Variants in EIF2B4 observed in about 807,000 individuals in gnomAD.
EIF2B4 encodes the protein translation initiation factor eIF2B subunit delta.
In EIF2B4, 34 loss-of-function variants were observed where a neutral mutation model predicts 66.7. The ratio of observed to expected loss-of-function variants is 0.51; its 90% CI spans 0.39 to 0.68. The LOEUF is 0.68. Among genes scored for constraint, EIF2B4 ranks in the 30% least tolerant of loss-of-function variants. The pLI, the probability that EIF2B4 is intolerant of heterozygous loss-of-function variation, is 0.00. For synonymous variants in EIF2B4, 278 were observed against 253.6 expected (o/e 1.10, Z -0.92); for missense variants, 618 against 657.9 (o/e 0.94, Z 0.66).
In EIF2B4 at chr2:27,368,915, G is replaced by A; in HGVS notation, c.418+91C>T. ...AACAATTCAGAACTCTGGGTCCCAA[G>A]AATGAGAGGGGAGAGCTGTTTTACT... On this transcript the variant is annotated intron_variant, in intron 4 of 12. Transcript: ENST00000347454. 3 of 1,537,536 alleles carry A rather than the reference G, an allele frequency of 2.0e-6. No individual in the cohort carries two copies. The South Asian group carries it at 3.4e-5, about 17-fold the overall frequency.
In EIF2B4 at chr2:27,367,752, T is replaced by C; in HGVS notation, c.776A>G (p.Tyr259Cys). The C allele has an allele frequency of 3.1e-6, 5 of 1,613,908 alleles. No homozygotes were observed. The highest frequency in any genetic ancestry group is 3.4e-6 in the Non-Finnish European group (4 of 1,179,762). The change falls in exon 8 of 13, where the codon TAC (tyrosine) becomes TGC (cysteine). Residue 259 changes from tyrosine (Y) to cysteine (C), a missense_variant. Tyr to Cys is a radical substitution (Grantham distance 194). Coordinates refer to ENST00000347454, the MANE Select transcript of EIF2B4 (RefSeq NM_001034116.2). ...CTTATAGTGTTGTCCCTACCTCATG[T>C]AGGGTTTTAGTTTATTCACTAGATC... ...SRDLVNKLKPYMSFLTQCRPL... is the reference protein window; with the variant it reads ...SRDLVNKLKPCMSFLTQCRPL...
chr2:27,368,846 AT>A (rs1180546034), intron 4 of EIF2B4, 113 bp from the exon 5 acceptor site: 8 of 1,431,292 alleles, frequency 5.6e-6, no homozygotes, highest in Non-Finnish European at 5.9e-6. Flanking sequence ...AAACGGGAGA[AT>A]AGGGTAGAAA....
chr2:27,368,541 T>C, intron 5 of EIF2B4, 78 bp from the exon 6 acceptor site: 1 of 1,551,488 alleles, frequency 6.4e-7, no homozygotes, highest in Non-Finnish European at 8.9e-7. Context: ...AAGTGAACAG[T>C]AAGACTACTC....
Position 27,369,861 on chromosome 2 carries a change from G to A in EIF2B4, c.75+15C>T, listed in dbSNP as rs1419085453. The A allele has an allele frequency of 1.9e-6, 3 of 1,570,242 alleles. No homozygotes were observed. Among genetic ancestry groups the A allele is most frequent in the African/African-American group, 1.4e-5 (1 of 73,756 alleles). ...TAGCGCTTGGCAGGCGGCTTGGGAG[G>A]GAAGCCTCACTTACCCCAGGCCCAG... On this transcript the variant is annotated intron_variant, in intron 2 of 12. Transcript: ENST00000347454.
chr2:27,370,005 G>A, intron 1 of EIF2B4, 86 bp from the exon 2 acceptor site: 1 of 1,533,220 alleles, frequency 6.5e-7, no homozygotes, highest in Non-Finnish European at 8.8e-7. Flanking sequence ...CCGGCTGCTG[G>A]GTTGGCATGA....
At chr2:27,366,690 G>C in intron 11 of EIF2B4, 69 bp downstream of exon 11, 1 of 1,568,992 alleles carries the variant, frequency 6.4e-7, no homozygotes, top group Non-Finnish European at 8.8e-7. Flanking sequence ...ACTTTGGGAA[G>C]GTGAGATTAT....
chr2:27,367,312 G>C (rs2148374153), intron 9 of EIF2B4, 111 bp from the exon 10 acceptor site: 1 of 1,583,772 alleles, frequency 6.3e-7, no homozygotes, highest in East Asian at 2.2e-5. Flanking sequence ...AGGGCTCAGA[G>C]ATGGCACAAG....
chr2:27,367,666 A>G (rs1681961018), intron 8 of EIF2B4, 80 bp downstream of exon 8: 13 of 1,589,068 alleles, frequency 8.2e-6, no homozygotes, highest in South Asian at 1.1e-5. Context: ...ACAAAATGAA[A>G]AGAGAGATAG....
intron 3 of EIF2B4, 39 bp downstream of exon 3, chr2:27,369,362 ATCCCTCTACCAGC>A: frequency 1.9e-6 from 3 of 1,612,598 alleles, no homozygotes; most frequent in Non-Finnish European, 2.5e-6. Flanking sequence ...CTCCCACCAC[ATCCCTCTACCAGC>A]TCCACACCCC....
At chr2:27,367,276 A>G (rs1292667603) in intron 9 of EIF2B4, 75 bp from the exon 10 acceptor site, 3 of 1,605,910 alleles carry the variant, frequency 1.9e-6, no homozygotes, top group African/African-American at 2.7e-5. Flanking sequence ...AGGTGCTTGA[A>G]TATGTGTATG....
At position 27,368,099 on chromosome 2, in the gene EIF2B4, C is replaced by A. The variant is rs1332546889; in HGVS notation, c.631G>T (p.Gly211Cys). 1.3e-6 allele frequency: 2 copies of A among 1,599,850 alleles called. No individual in the cohort carries two copies. Among genetic ancestry groups the A allele is most frequent in the Admixed American group, 1.7e-5 (1 of 57,942 alleles). ...ACCAGGCCCTGGGAGTACTGCAGGC[C>A]GAGTCGCACCATGGCTGGGTGGATC... ...SVIHPAMVRL[G>C]LQYSQGLVSG... Residue 211 changes from glycine (G) to cysteine (C), a missense_variant, in exon 7 of 13, where the codon GGC becomes TGC. Physicochemically the swap from Gly to Cys is radical, Grantham distance 159 (BLOSUM62 -3). Transcript: ENST00000347454.
chr2:27,370,077 C>T, intron 1 of EIF2B4, 158 bp from the exon 2 acceptor site: 3 of 1,503,630 alleles, frequency 2.0e-6, no homozygotes, highest in Non-Finnish European at 2.7e-6. Context: ...CACTGCGCGG[C>T]GGATCAAAGG....
rs781222070 is a variant in EIF2B4 at position 27,370,269 on chromosome 2, C to T, written c.31+15G>A. Reference sequence around the variant, plus strand: ...GGCTCCGCGTACCAGTAGGCAGGCCCGGCTCTTCACTCACCCTCGCGAACA... The same window carrying T: ...GGCTCCGCGTACCAGTAGGCAGGCCTGGCTCTTCACTCACCCTCGCGAACA... On this transcript the variant is annotated intron_variant, in intron 1 of 12. Coordinates refer to ENST00000347454, the MANE Select transcript of EIF2B4 (RefSeq NM_001034116.2). The T allele has an allele frequency of 7.7e-6, 12 of 1,549,288 alleles. No homozygotes were observed. The highest frequency in any genetic ancestry group is 3.5e-5 in the South Asian group (3 of 84,544).
At chr2:27,369,697 G>A (rs1174433994) in intron 2 of EIF2B4, 148 bp from the exon 3 acceptor site, 2 of 1,494,302 alleles carry the variant, frequency 1.3e-6, no homozygotes, top group African/African-American at 1.4e-5. Context: ...CATCCACAGA[G>A]GCTGACGTTT....
At chr2:27,366,151 A>G (rs1167010846) in intron 11 of EIF2B4, 1 of 11,870 alleles carries the variant, frequency 8.4e-5, no homozygotes, top group Non-Finnish European at 1.4e-4. Flanking sequence ...CAGTCCTCTC[A>G]CCTCAGCCTA....
Position 27,366,905 on chromosome 2 carries a change from C to T in EIF2B4, c.1045G>A (p.Ala349Thr). Reference sequence around the variant, plus strand: ...CGAAACCGCCGGCCCTCTGTCCAAGCCTCCTGAAGAATTCGTGATACCAGA... The same window carrying T: ...CGAAACCGCCGGCCCTCTGTCCAAGTCTCCTGAAGAATTCGTGATACCAGA... ...SSLVSRILQE[A>T]WTEGRRFRVV... Residue 349 changes from alanine to threonine, a missense_variant, in exon 11 of 13, where the codon GCT becomes ACT. Physicochemically the swap from Ala to Thr is moderately conservative, Grantham distance 58. This residue lies in a region of EIF2B4 where 506 missense variants were observed against 511.9 expected (regional missense o/e 0.99). Transcript: ENST00000347454. 2 of 1,614,162 alleles carry T rather than the reference C, an allele frequency of 1.2e-6. No individual in the cohort carries two copies. Among genetic ancestry groups the T allele is most frequent in the Non-Finnish European group, 1.7e-6 (2 of 1,180,038 alleles).
In EIF2B4 at chr2:27,367,114, G is replaced by A; in HGVS notation, c.973C>T (p.Gln325Ter). The A allele has an allele frequency of 6.2e-7, 1 of 1,614,174 alleles. No homozygotes were observed. Among genetic ancestry groups the A allele is most frequent in the Non-Finnish European group, 8.5e-7 (1 of 1,180,042 alleles). Residue 325 changes from glutamine (Q) to a stop codon, truncating the protein, a stop_gained, in exon 10 of 13, where the codon CAG becomes TAG. Coordinates refer to ENST00000347454, the MANE Select transcript of EIF2B4 (RefSeq NM_001034116.2). LOFTEE classifies it high-confidence loss of function. Reference protein sequence around the residue: ...AAQAISRFAYQKISNGDVILV... With the variant: ...AAQAISRFAY The stretch of plus-strand genomic sequence containing the variant: ...ATCACATCTCCATTACTGATCTTCT[G>A]GTAAGCAAAGCGTGAAATTGCCTGA...
chr2:27,366,584 TG>T, intron 11 of EIF2B4, 174 bp downstream of exon 11: 2 of 723,786 alleles, frequency 2.8e-6, no homozygotes, highest in Non-Finnish European at 2.4e-6. Flanking sequence ...GAGGCGGAGG[TG>T]GGAAGATCAC....
At chr2:27,369,808 C>A (rs1682226459) in intron 2 of EIF2B4, 68 bp downstream of exon 2, 3 of 1,516,452 alleles carry the variant, frequency 2.0e-6, no homozygotes, top group Non-Finnish European at 2.7e-6. Context: ...GGAGCTGGGG[C>A]GGAATAAAGC....
Sources: allele counts gnomAD v4.1 joint callset, GRCh38; gene constraint gnomAD v4.1.1; regional missense constraint gnomAD v4.1.1; transcripts MANE v1.5; gene names NCBI Gene and HGNC (gene_info 2026-07-23, HGNC 2026-07-21).